Variants in OR56A3 observed in about 807,000 individuals in gnomAD.
The protein encoded by OR56A3 is olfactory receptor 56A3.
In OR56A3, 23 loss-of-function variants were observed where a neutral mutation model predicts 17.5. The observed-to-expected ratio is 1.32, with a 90% CI of 0.95 to 1.87. The LOEUF is 1.87. OR56A3 is among the 40% of genes most tolerant of loss of function. The pLI, the probability that OR56A3 is intolerant of heterozygous loss-of-function variation, is 0.00. For missense variants in OR56A3, 366 were observed against 380.1 expected, an observed-to-expected ratio of 0.96 and a Z score of 0.31; for synonymous variants, 175 against 150.6, an observed-to-expected ratio of 1.16 and a Z score of -1.19.
the OR56A3 span, chr11:5,967,577 G>C: frequency 1.2e-6 from 2 of 1,602,484 alleles, no homozygotes; most frequent in Non-Finnish European, 8.5e-7. Flanking sequence ...GCAGGTTCTG[G>C]ATTCCCTGCT....
chr11:6,019,180 T>C, the OR56A3 span, among the ~76,000 whole-genome samples: 21 of 150,924 alleles, frequency 1.4e-4, no homozygotes, highest in East Asian at 4.1e-3. Flanking sequence ...TCCTCAAGGC[T>C]ACTACTACCT....
the OR56A3 span, among the ~76,000 whole-genome samples, chr11:5,989,045 A>G: frequency 6.6e-6 from 1 of 152,254 alleles, no homozygotes; most frequent in Non-Finnish European, 1.5e-5. Flanking sequence ...AACTCTGAAT[A>G]TGATAGCTAT....
At chr11:5,993,672 T>C in the OR56A3 span, among the ~76,000 whole-genome samples, 1 of 152,210 alleles carries the variant, frequency 6.6e-6, no homozygotes, top group Non-Finnish European at 1.5e-5. Flanking sequence ...GAAATATTAA[T>C]ATAATGCAAA....
the OR56A3 span, among the ~76,000 whole-genome samples, chr11:5,981,492 G>C: frequency 6.6e-6 from 1 of 152,258 alleles, no homozygotes; most frequent in South Asian, 2.1e-4. Context: ...TTCCTGTAGT[G>C]AATTTTTCAG....
At chr11:5,959,288 T>C in the OR56A3 span, among the ~76,000 whole-genome samples, 1 of 152,230 alleles carries the variant, frequency 6.6e-6, no homozygotes, top group Non-Finnish European at 1.5e-5. Flanking sequence ...CAATATTTGC[T>C]ATTTTTTGTG....
chr11:5,961,031 C>T, the OR56A3 span, among the ~76,000 whole-genome samples: 32 of 151,838 alleles, frequency 2.1e-4, no homozygotes, highest in South Asian at 6.2e-4. Flanking sequence ...GCCCGGCAGC[C>T]GCCCCCCGTC....
chr11:5,967,877 A>T, the OR56A3 span: 1 of 1,578,762 alleles, frequency 6.3e-7, no homozygotes, highest in Non-Finnish European at 8.6e-7. Flanking sequence ...GCAGGGTCCA[A>T]CCTATAACAA....
chr11:5,957,580 G>A, the OR56A3 span, among the ~76,000 whole-genome samples: 28 of 152,196 alleles, frequency 1.8e-4, no homozygotes, highest in South Asian at 1.2e-3. Flanking sequence ...TTTAGAAAAG[G>A]ACATGAGCAA....
the OR56A3 span, among the ~76,000 whole-genome samples, chr11:5,981,682 G>A: frequency 6.6e-6 from 1 of 152,152 alleles, no homozygotes; most frequent in Non-Finnish European, 1.5e-5. Context: ...TCTCAGCCTG[G>A]TTAAGAACCA....
chr11:5,952,962 T>C (rs1002559567), downstream of OR56A3, among the ~76,000 whole-genome samples: 25 of 152,218 alleles, frequency 1.6e-4, no homozygotes, highest in African/African-American at 4.8e-4. Flanking sequence ...GTTGCATCCA[T>C]CTTGCTGCAA....
rs756511868 is a variant in OR56A3 at position 5,948,033 on chromosome 11, G to A, written c.687G>A (p.Val229=). The A allele has an allele frequency of 9.3e-6, 15 of 1,614,196 alleles. No individual in the cohort carries two copies. The South Asian group carries it at 1.6e-4, about 18-fold the overall frequency. ...CCTACACCTTCATTCTGCGAGCTGT[G>A]CTGAGACTCAAGGCAGAGGGTGCCG... The part of the protein sequence containing the change: ...FLSYTFILRA[V]LRLKAEGAVA... Residue 229 remains valine, a synonymous_variant, in exon 3 of 3, where the codon GTG becomes GTA. Transcript: ENST00000641160.
At chr11:5,971,747 T>G in the OR56A3 span, among the ~76,000 whole-genome samples, 3 of 152,214 alleles carry the variant, frequency 2.0e-5, no homozygotes, top group African/African-American at 7.2e-5. Flanking sequence ...AATGGATAAC[T>G]TTTACTCTGC....
the OR56A3 span, among the ~76,000 whole-genome samples, chr11:5,980,695 AT>A: frequency 6.6e-6 from 1 of 152,076 alleles, no homozygotes; most frequent in Non-Finnish European, 1.5e-5. Context: ...GTTAATATTA[AT>A]ATATGCAGAT....
At chr11:5,964,994 C>T in the OR56A3 span, among the ~76,000 whole-genome samples, 1 of 152,108 alleles carries the variant, frequency 6.6e-6, no homozygotes, top group Non-Finnish European at 1.5e-5. Context: ...TGATCACTCA[C>T]CTGGTTTTCT....
chr11:6,003,818 G>A, the OR56A3 span, among the ~76,000 whole-genome samples: 970 of 152,280 alleles, frequency 6.4e-3, 9 homozygotes, highest in African/African-American at 0.022. Flanking sequence ...AAGTCAGAGA[G>A]TGAGTTTTAG....
At chr11:5,962,308 G>C in the OR56A3 span, among the ~76,000 whole-genome samples, 1 of 152,126 alleles carries the variant, frequency 6.6e-6, no homozygotes, top group Non-Finnish European at 1.5e-5. Context: ...TGTTTTTAAA[G>C]ATTTCTGCAT....
chr11:5,998,624 T>C, the OR56A3 span, among the ~76,000 whole-genome samples: 1 of 152,176 alleles, frequency 6.6e-6, no homozygotes, highest in Non-Finnish European at 1.5e-5. Flanking sequence ...GCAGAAGTTA[T>C]TCTACCCCAA....
chr11:6,016,294 T>C, the OR56A3 span, among the ~76,000 whole-genome samples: 107,275 of 152,152 alleles, frequency 0.71, 38,105 homozygotes, highest in East Asian at 0.94. Context: ...GCCATGCTTC[T>C]TGTACAGCCT....
the OR56A3 span, chr11:6,003,096 C>T: frequency 6.2e-7 from 1 of 1,605,454 alleles, no homozygotes; most frequent in Non-Finnish European, 8.5e-7. Context: ...GTGTGGGTTT[C>T]CACTGAGGCC....
Sources: allele counts gnomAD v4.1 joint callset (sites outside exome capture counted in the v4.1 genomes callset), GRCh38; gene constraint gnomAD v4.1.1; transcripts MANE v1.5; gene names NCBI Gene and HGNC (gene_info 2026-07-23, HGNC 2026-07-21).